The following ZCCHC10 variants were observed in gnomAD, a reference collection of about 807,000 sequenced individuals.
ZCCHC10 encodes zinc finger CCHC domain-containing protein 10.
ZCCHC10 carries 16 observed loss-of-function variants against 19.5 expected under a neutral mutation model. The ratio of observed to expected loss-of-function variants is 0.82; its 90% CI spans 0.56 to 1.25. ZCCHC10 has a LOEUF of 1.25. Ranked by LOEUF, ZCCHC10 falls within the 50% of genes most tolerant of loss-of-function variation. The pLI is 0.00. For synonymous variants in ZCCHC10, 67 were observed against 72.5 expected (o/e 0.92, Z 0.38); for missense variants, 197 against 201.0 (o/e 0.98, Z 0.12).
At chr5:133,026,430 C>A (rs1764720385) in intron 1 of ZCCHC10, 67 bp downstream of exon 1, 3 of 1,591,468 alleles carry the variant, frequency 1.9e-6, no homozygotes, top group African/African-American at 2.7e-5. Flanking sequence ...GGGTCCGACA[C>A]CAGCCCGTTG....
intron 2 of ZCCHC10, among the ~76,000 whole-genome samples, chr5:133,008,224 CAAA>C (rs1226503517): frequency 8.7e-5 from 6 of 68,620 alleles, no homozygotes; most frequent in Admixed American, 1.8e-4. Flanking sequence ...GACTCTGTCT[CAAA>C]AAAAAAAAAA....
chr5:133,003,395 G>T, intron 3 of ZCCHC10: 1 of 259,660 alleles, frequency 3.9e-6, no homozygotes, highest in South Asian at 4.0e-5. Context: ...AGCTCCTTTA[G>T]AATGAAGGTC....
chr5:133,015,828 ATC>A (rs1449154935), intron 2 of ZCCHC10, among the ~76,000 whole-genome samples: 1 of 152,234 alleles, frequency 6.6e-6, no homozygotes, highest in African/African-American at 2.4e-5. Context: ...TTTAGGAGTA[ATC>A]TGTTACACAG....
At chr5:133,022,405 G>A (rs1764373763) in intron 2 of ZCCHC10, among the ~76,000 whole-genome samples, 1 of 151,494 alleles carries the variant, frequency 6.6e-6, no homozygotes, top group South Asian at 2.1e-4. Context: ...TGTGGTGCAT[G>A]ACAATATAGA....
intron 2 of ZCCHC10, among the ~76,000 whole-genome samples, chr5:133,019,947 A>T (rs1443497466): frequency 7.5e-6 from 1 of 132,724 alleles, no homozygotes; most frequent in Admixed American, 7.2e-5. Context: ...GTGAGACTCC[A>T]GCTCAAAAAA....
chr5:133,024,987 C>T (rs1350182317), intron 1 of ZCCHC10, among the ~76,000 whole-genome samples: 3 of 152,046 alleles, frequency 2.0e-5, no homozygotes, highest in South Asian at 2.1e-4. Context: ...TCTGTCTGTA[C>T]ATTTGAGGAA....
Position 133,019,167 on chromosome 5 carries a change from G to T in ZCCHC10, c.107+3674C>A, listed in dbSNP as rs562665729. On this transcript the variant is annotated intron_variant, in intron 2 of 4. Coordinates refer to ENST00000509437, the MANE Select transcript of ZCCHC10 (RefSeq NM_001300816.3). ...GAGAGGCCAAGGCAGGATCACCCGAGCTCAGGAGTTTGAGACCAGCCTGGG... is the reference window on the plus strand; with the variant it reads ...GAGAGGCCAAGGCAGGATCACCCGATCTCAGGAGTTTGAGACCAGCCTGGG... The T allele has an allele frequency of 1.4e-5, 6 of 420,296 alleles. No individual in the cohort carries two copies. In the Admixed American group the frequency reaches 1.8e-4, roughly 12 times the overall value. The allele number at this position is 420,296 out of a possible 1,614,324, so 26.0% of individuals were successfully genotyped here.
chr5:133,024,097 G>A (rs1172008897), intron 1 of ZCCHC10, among the ~76,000 whole-genome samples: 2 of 152,164 alleles, frequency 1.3e-5, no homozygotes, highest in Non-Finnish European at 2.9e-5. Flanking sequence ...TACAAATCAT[G>A]TAACTCATGT....
intron 2 of ZCCHC10, chr5:133,019,205 TAA>T (rs567363428): frequency 1.0e-3 from 278 of 266,620 alleles, no homozygotes; most frequent in South Asian, 1.7e-3. Flanking sequence ...ACACTGTCTC[TAA>T]AAAAAAAAAA....
rs760771164 is a variant in ZCCHC10, at chr5:133,026,507, G to T, written c.31C>A (p.Arg11=). The T allele has an allele frequency of 3.7e-6, 6 of 1,613,628 alleles. No individual in the cohort carries two copies. Among genetic ancestry groups the T allele is most frequent in the Non-Finnish European group, 5.1e-6 (6 of 1,179,940 alleles). The change falls in exon 1 of 5, where the codon CGG becomes AGG. Residue 11 remains arginine, a synonymous_variant. Transcript: ENST00000509437. ...CGGATCCTTACTTACGCTTGTCTCC[G>T]GGCTATTAGCCGATGCATGGGAGTC... MATPMHRLIA[R]RQAFDTELQP...
chr5:133,000,883 C>T (rs889161549), intron 3 of ZCCHC10, among the ~76,000 whole-genome samples: 4 of 151,370 alleles, frequency 2.6e-5, no homozygotes, highest in East Asian at 2.0e-4. Context: ...CCTCATGATC[C>T]GCCCACCTTG....
At chr5:133,026,380 G>A (rs1490001511) in intron 1 of ZCCHC10, 117 bp downstream of exon 1, 80 of 1,415,486 alleles carry the variant, frequency 5.7e-5, no homozygotes, top group Non-Finnish European at 4.3e-5. Flanking sequence ...GGAGCCAGAA[G>A]AGTGTTTGAG....
chr5:133,021,496 T>TAG (rs1472068303), intron 2 of ZCCHC10, among the ~76,000 whole-genome samples: 1 of 152,190 alleles, frequency 6.6e-6, no homozygotes, highest in Non-Finnish European at 1.5e-5. Context: ...TCAATACTGT[T>TAG]AGGATGTCAA....
intron 1 of ZCCHC10, among the ~76,000 whole-genome samples, chr5:133,025,157 T>C (rs1172124827): frequency 6.6e-6 from 1 of 151,988 alleles, no homozygotes; most frequent in African/African-American, 2.4e-5. Context: ...GAAATATTTA[T>C]GAAAAAGAGG....
At chr5:133,006,996 T>C (rs1449711400) in intron 2 of ZCCHC10, 76 bp from the exon 3 acceptor site, 1 of 1,364,890 alleles carries the variant, frequency 7.3e-7, no homozygotes, top group African/African-American at 1.5e-5. Flanking sequence ...TAAAAAAATA[T>C]AAAGGATAAA....
chr5:133,014,352 G>T (rs1307017232), intron 2 of ZCCHC10, among the ~76,000 whole-genome samples: 3 of 151,620 alleles, frequency 2.0e-5, no homozygotes, highest in Non-Finnish European at 4.4e-5. Context: ...TTAGTAAAGG[G>T]GGGGTTTCCT....
At position 133,013,974 on chromosome 5, in the gene ZCCHC10, C is replaced by G. The variant is rs570850998; in HGVS notation, c.108-7054G>C. ...GCTTTTAAAAATTTTCAGTCACAAC[C>G]TTACAGAAAAGTTCTAACTCTGTTT... On this transcript the variant is annotated intron_variant, in intron 2 of 4. Coordinates refer to ENST00000509437, the MANE Select transcript of ZCCHC10 (RefSeq NM_001300816.3). 1.7e-4 allele frequency among the ~76,000 whole-genome samples: 26 copies of G among 152,014 alleles called. 1 individual carries two copies. The highest frequency in any genetic ancestry group is 3.5e-4 in the Non-Finnish European group (24 of 67,998).
intron 1 of ZCCHC10, 54 bp downstream of exon 1, chr5:133,026,443 G>T (rs1228422545): frequency 1.1e-5 from 18 of 1,603,734 alleles, no homozygotes; most frequent in Non-Finnish European, 1.5e-5. Context: ...GCCCGTTGAC[G>T]CGCGTTTCCC....
intron 2 of ZCCHC10, among the ~76,000 whole-genome samples, chr5:133,009,383 T>C (rs1315636453): frequency 6.6e-6 from 1 of 151,684 alleles, no homozygotes; most frequent in Non-Finnish European, 1.5e-5. Flanking sequence ...TTTGTGGGGC[T>C]GAGGTGGGCG....
Sources: gnomAD v4.1 joint callset for allele counts (sites outside exome capture counted in the v4.1 genomes callset) on GRCh38, gnomAD v4.1.1 for gene constraint, MANE v1.5 for transcripts, NCBI Gene and HGNC (gene_info 2026-07-23, HGNC 2026-07-21) for gene names.